Variants in OTUD7A observed in about 807,000 individuals in gnomAD.
OTUD7A encodes OTU domain-containing protein 7A.
A neutral mutation model predicts 65.7 loss-of-function variants in OTUD7A; 12 were observed. That is an observed-to-expected ratio of 0.18 (90% confidence interval 0.12 to 0.30). The LOEUF (loss-of-function observed/expected upper bound fraction) is 0.30, where lower values mean the gene tolerates loss of function less well. Ranked by LOEUF, OTUD7A falls within the 10% of genes least tolerant of loss-of-function variation. OTUD7A has a pLI of 1.00. For synonymous variants in OTUD7A, 641 were observed against 586.3 expected (o/e 1.09, Z -1.35); for missense variants, 1,148 against 1,304.8 (o/e 0.88, Z 1.85).
intron 8 of OTUD7A, among the ~76,000 whole-genome samples, chr15:31,507,437 G>A (rs780087964): frequency 2.3e-4 from 35 of 152,184 alleles, no homozygotes; most frequent in Non-Finnish European, 4.0e-4. Flanking sequence ...AGGTTGTTAG[G>A]CTGTAGTGTA....
At chr15:31,850,902 G>A (rs920902434) in intron 1 of OTUD7A, among the ~76,000 whole-genome samples, 1 of 152,100 alleles carries the variant, frequency 6.6e-6, no homozygotes, top group African/African-American at 2.4e-5. Flanking sequence ...CAAAACAAAA[G>A]CAGCAGTAAT....
intron 3 of OTUD7A, among the ~76,000 whole-genome samples, chr15:31,614,023 T>C (rs1890510062): frequency 6.6e-6 from 1 of 152,180 alleles, no homozygotes; most frequent in Non-Finnish European, 1.5e-5. Flanking sequence ...GATTGGAGAC[T>C]ATTACTCTAA....
chr15:31,607,630 T>C (rs1003381540), intron 3 of OTUD7A, among the ~76,000 whole-genome samples: 2 of 152,238 alleles, frequency 1.3e-5, no homozygotes, highest in East Asian at 1.9e-4. Flanking sequence ...CCTAGTGATG[T>C]TGAAGGTGAC....
chr15:31,808,635 G>C (rs973129404), intron 1 of OTUD7A, among the ~76,000 whole-genome samples: 3 of 152,214 alleles, frequency 2.0e-5, no homozygotes, highest in Non-Finnish European at 4.4e-5. Flanking sequence ...GCCAGAGCAT[G>C]ACATCAGTTC....
chr15:31,673,614 A>C (rs1423612686), intron 1 of OTUD7A, among the ~76,000 whole-genome samples: 2 of 152,224 alleles, frequency 1.3e-5, no homozygotes, highest in Non-Finnish European at 2.9e-5. Context: ...ACTGGCATAA[A>C]ATATGTGCCT....
intron 1 of OTUD7A, among the ~76,000 whole-genome samples, chr15:31,809,928 G>GT (rs1846689695): frequency 6.6e-6 from 1 of 152,208 alleles, no homozygotes; most frequent in South Asian, 2.1e-4. Flanking sequence ...TCCACAAAAT[G>GT]TATCTAATTA....
intron 1 of OTUD7A, among the ~76,000 whole-genome samples, chr15:31,724,801 G>C (rs1893838267): frequency 6.6e-6 from 1 of 152,136 alleles, no homozygotes; most frequent in African/African-American, 2.4e-5. Context: ...CTCACACACA[G>C]TGGAAAAACT....
intron 8 of OTUD7A, among the ~76,000 whole-genome samples, chr15:31,519,137 TGTGTGC>T (rs1253471088): frequency 5.3e-5 from 8 of 152,162 alleles, no homozygotes; most frequent in Admixed American, 6.5e-5. Flanking sequence ...TGTGTGTGTG[TGTGTGC>T]ACGCACGCGC....
At chr15:31,688,275 G>A (rs1239511432) in intron 1 of OTUD7A, among the ~76,000 whole-genome samples, 1 of 151,810 alleles carries the variant, frequency 6.6e-6, no homozygotes, top group East Asian at 1.9e-4. Flanking sequence ...TTAGCCCAGT[G>A]AACAAACTTA....
At chr15:31,554,886 A>T (rs1888440919) in intron 5 of OTUD7A, among the ~76,000 whole-genome samples, 1 of 152,146 alleles carries the variant, frequency 6.6e-6, no homozygotes, top group Non-Finnish European at 1.5e-5. Context: ...TCCTCTCAGG[A>T]GGTCAGCTGG....
intron 1 of OTUD7A, among the ~76,000 whole-genome samples, chr15:31,659,739 G>T (rs2141283125): frequency 6.6e-6 from 1 of 152,328 alleles, no homozygotes; most frequent in Non-Finnish European, 1.5e-5. Context: ...CTCAGAGAGG[G>T]CCAGCGAGGG....
intron 1 of OTUD7A, among the ~76,000 whole-genome samples, chr15:31,844,170 C>T (rs1254983854): frequency 2.0e-5 from 3 of 152,182 alleles, no homozygotes; most frequent in Non-Finnish European, 4.4e-5. Flanking sequence ...TCCCAGGCAC[C>T]CACACTGACA....
intron 3 of OTUD7A, among the ~76,000 whole-genome samples, chr15:31,613,915 A>G (rs1208489946): frequency 2.0e-5 from 3 of 152,232 alleles, no homozygotes; most frequent in Non-Finnish European, 4.4e-5. Flanking sequence ...CAATGAGTAG[A>G]TAAAGAAACT....
intron 3 of OTUD7A, among the ~76,000 whole-genome samples, chr15:31,629,182 G>T (rs904241974): frequency 1.3e-5 from 2 of 152,096 alleles, no homozygotes; most frequent in Non-Finnish European, 2.9e-5. Context: ...GTTTTCAAAG[G>T]GAATGCTTCC....
intron 5 of OTUD7A, among the ~76,000 whole-genome samples, chr15:31,539,404 T>C (rs1253939665): frequency 1.3e-5 from 2 of 151,858 alleles, no homozygotes; most frequent in African/African-American, 4.8e-5. Flanking sequence ...GGGAGAAGGG[T>C]GAGGAATTAA....
chr15:31,758,021 C>A (rs1297168914), intron 1 of OTUD7A, among the ~76,000 whole-genome samples: 2 of 152,126 alleles, frequency 1.3e-5, no homozygotes, highest in Non-Finnish European at 2.9e-5. Context: ...AGGGAACTCA[C>A]AAAAATAAAT....
chr15:31,847,226 G>A (rs148252551), intron 1 of OTUD7A, among the ~76,000 whole-genome samples: 257 of 152,342 alleles, frequency 1.7e-3, no homozygotes, highest in Non-Finnish European at 3.0e-3. Flanking sequence ...CATGCTGCAT[G>A]CTTCTGAAAC....
intron 1 of OTUD7A, among the ~76,000 whole-genome samples, chr15:31,823,222 C>T (rs1896728364): frequency 1.3e-5 from 2 of 152,326 alleles, no homozygotes; most frequent in East Asian, 3.9e-4. Flanking sequence ...GCACCCCCAG[C>T]AGAAATCGAG....
At chr15:31,729,119 C>G (rs1163192716) in intron 1 of OTUD7A, among the ~76,000 whole-genome samples, 1 of 152,008 alleles carries the variant, frequency 6.6e-6, no homozygotes, top group African/African-American at 2.4e-5. Context: ...CTTACTATAC[C>G]TAATTTATAA....
Sources: allele counts gnomAD v4.1 joint callset (sites outside exome capture counted in the v4.1 genomes callset), GRCh38; gene constraint gnomAD v4.1.1; transcripts MANE v1.5; gene names NCBI Gene and HGNC (gene_info 2026-07-23, HGNC 2026-07-21).